Variants in SVIL observed in about 807,000 individuals in gnomAD.
SVIL encodes supervillin.
Under a neutral mutation model 240.4 loss-of-function variants are expected in SVIL, and 101 were observed. The observed-to-expected ratio is 0.42, with a 90% CI of 0.36 to 0.50. The LOEUF is 0.50. Among genes scored for constraint, SVIL ranks in the 20% least tolerant of loss-of-function variants. The pLI, the probability that SVIL is intolerant of heterozygous loss-of-function variation, is 0.01. For missense variants in SVIL, 2,512 were observed against 2,818.7 expected (o/e 0.89, Z 2.46); for synonymous variants, 999 against 1,100.0 (o/e 0.91, Z 1.82).
At chr10:29,482,008 G>A (rs931727941) in intron 27 of SVIL, among the ~76,000 whole-genome samples, 8 of 132,654 alleles carry the variant, frequency 6.0e-5, no homozygotes, top group African/African-American at 2.3e-4. Flanking sequence ...ATTCTAGCAA[G>A]TTCTTTTCTT....
chr10:29,607,546 G>C (rs1029950569), intron 1 of SVIL, among the ~76,000 whole-genome samples: 2 of 151,802 alleles, frequency 1.3e-5, no homozygotes, highest in Non-Finnish European at 2.9e-5. Context: ...GTGCCTTCCA[G>C]TTGTTTACAT....
In SVIL at chr10:29,484,886, A is replaced by T. The variant is rs1947245782; in HGVS notation, c.4780-55T>A. ...AACTTCAAGAACATGCAACAGTTGA[A>T]TCAGGTGCAACAGGGTCTCTTGTTG... On this transcript the variant is annotated intron_variant, in intron 26 of 37. Transcript: ENST00000355867. This position sits in a 1 kb window ranked among gnomAD's most constrained non-coding sequence, Gnocchi z 4.7. The T allele has an allele frequency of 1.0e-5, 16 of 1,531,184 alleles. No individual in the cohort carries two copies. The highest frequency in any genetic ancestry group is 1.4e-5 in the Non-Finnish European group (16 of 1,129,366). 94.8% of individuals were successfully genotyped at this position (1,531,184 alleles called of 1,614,324 possible).
intron 1 of SVIL, among the ~76,000 whole-genome samples, chr10:29,616,373 G>A (rs935737328): frequency 1.3e-5 from 2 of 152,134 alleles, no homozygotes; most frequent in African/African-American, 4.8e-5. Flanking sequence ...GTGTAAACTC[G>A]TTCTGAGGTT....
intron 16 of SVIL, among the ~76,000 whole-genome samples, chr10:29,521,228 GAA>G (rs759415423): frequency 3.1e-5 from 2 of 63,748 alleles, no homozygotes; most frequent in Non-Finnish European, 3.6e-5. Flanking sequence ...GTCTCAAAAA[GAA>G]AAAAAAAAAA....
At chr10:29,529,925 C>G (rs1488208752) in intron 11 of SVIL, 81 bp from the exon 12 acceptor site, 3 of 1,406,032 alleles carry the variant, frequency 2.1e-6, no homozygotes, top group Middle Eastern at 2.4e-4. Context: ...AATCCCAGCA[C>G]TTTGGGAGGC....
Position 29,557,755 on chromosome 10 carries a change from A to G in SVIL, c.-50-2647T>C, listed in dbSNP as rs35164513. On this transcript the variant is annotated intron_variant, in intron 3 of 37. Coordinates refer to ENST00000355867, the MANE Select transcript of SVIL (RefSeq NM_021738.3). ...AGGTAGACTTTCCTACTGCCCTTCC[A>G]GTGAACACTGCCCTCTGATAGCCAT... 8.8e-3 allele frequency among the ~76,000 whole-genome samples: 1,334 copies of G among 152,278 alleles called. 14 individuals are homozygous for G. The highest frequency in any genetic ancestry group is 0.013 in the Non-Finnish European group (868 of 68,028).
intron 1 of SVIL, among the ~76,000 whole-genome samples, chr10:29,730,578 C>A (rs11007719): frequency 0.18 from 27,683 of 152,152 alleles, 2,923 homozygotes; most frequent in Admixed American, 0.25. Context: ...AGACTGTAAA[C>A]ATCTGTTATT....
At chr10:29,527,503 T>G (rs1337811923) in intron 12 of SVIL, among the ~76,000 whole-genome samples, 1 of 152,144 alleles carries the variant, frequency 6.6e-6, no homozygotes, top group Non-Finnish European at 1.5e-5. Flanking sequence ...CTTGGCTCAC[T>G]GCAAACTCCG....
intron 1 of SVIL, among the ~76,000 whole-genome samples, chr10:29,716,550 A>C (rs1254152648): frequency 6.6e-6 from 1 of 152,246 alleles, no homozygotes; most frequent in Non-Finnish European, 1.5e-5. Context: ...TGTTACATAA[A>C]AAGTCAAAGA....
chr10:29,615,677 T>C (rs1957403302), intron 1 of SVIL, among the ~76,000 whole-genome samples: 1 of 152,254 alleles, frequency 6.6e-6, no homozygotes, highest in Non-Finnish European at 1.5e-5. Flanking sequence ...CTCATTCAAG[T>C]ATGTGTGTTC....
intron 1 of SVIL, among the ~76,000 whole-genome samples, chr10:29,629,318 C>T (rs537725541): frequency 2.0e-5 from 3 of 152,158 alleles, no homozygotes; most frequent in East Asian, 1.9e-4. Context: ...CTTCGAGTCC[C>T]GCACCCCAGC....
At chr10:29,544,295 G>A (rs541806747) in intron 6 of SVIL, among the ~76,000 whole-genome samples, 57 of 152,196 alleles carry the variant, frequency 3.7e-4, no homozygotes, top group African/African-American at 1.2e-3. Flanking sequence ...CGCTTGTTTG[G>A]AAAAACTGCT....
At chr10:29,554,651 T>G in intron 5 of SVIL, 132 bp downstream of exon 5, 1 of 1,191,322 alleles carries the variant, frequency 8.4e-7, no homozygotes, top group Non-Finnish European at 1.1e-6. Flanking sequence ...TGAAACCTTG[T>G]GCTAAAAAAA....
At chr10:29,633,399 C>G (rs969087738) in intron 1 of SVIL, among the ~76,000 whole-genome samples, 2 of 152,080 alleles carry the variant, frequency 1.3e-5, no homozygotes, top group African/African-American at 4.8e-5. Context: ...CAGGGTAATG[C>G]TGTATGGGAC....
chr10:29,476,395 A>G (rs896677669), intron 29 of SVIL, among the ~76,000 whole-genome samples: 4 of 152,230 alleles, frequency 2.6e-5, no homozygotes, highest in African/African-American at 7.2e-5. Context: ...TACACAAAAT[A>G]GAATTGTGTC....
chr10:29,705,675 C>T (rs1035988065), intron 1 of SVIL, among the ~76,000 whole-genome samples: 1 of 152,052 alleles, frequency 6.6e-6, no homozygotes, highest in African/African-American at 2.4e-5. Context: ...GTGTCATGTT[C>T]CCCTCCCTAT....
intron 30 of SVIL, among the ~76,000 whole-genome samples, chr10:29,472,340 A>G (rs952271023): frequency 3.3e-5 from 5 of 152,236 alleles, no homozygotes; most frequent in Admixed American, 2.6e-4. Context: ...AATATAGTCC[A>G]TAGTAGAAAA....
At position 29,551,232 on chromosome 10, in the gene SVIL, A is replaced by G. The variant is rs779660368; in HGVS notation, c.192T>C (p.Asp64=). 1.2e-6 allele frequency: 2 copies of G among 1,606,474 alleles called. No individual in the cohort carries two copies. Among genetic ancestry groups the G allele is most frequent in the South Asian group, 1.1e-5 (1 of 89,992 alleles). The change falls in exon 6 of 38, where the codon GAT becomes GAC. Residue 64 remains aspartate (D), a synonymous_variant. Coordinates refer to ENST00000355867, the MANE Select transcript of SVIL (RefSeq NM_021738.3). ...GRSNEEEETS[D]SSLEKQTRSK... ...ATCGAGTTTGCTTTTCTAGAGAAGA[A>G]TCAGAAGTTTCCTCCTCTTCATTTG...
intron 29 of SVIL, among the ~76,000 whole-genome samples, chr10:29,477,148 C>T (rs1170840772): frequency 6.6e-6 from 1 of 152,212 alleles, no homozygotes; most frequent in African/African-American, 2.4e-5. Flanking sequence ...CAGGCATGAG[C>T]CACCGTGCCC....
Sources: gnomAD v4.1 joint callset for allele counts (sites outside exome capture counted in the v4.1 genomes callset) on GRCh38, gnomAD v4.1.1 for gene constraint, Gnocchi (gnomAD v3.1) non-coding constraint, MANE v1.5 for transcripts, NCBI Gene and HGNC (gene_info 2026-07-23, HGNC 2026-07-21) for gene names.